Variants in ADGRF5 observed in about 807,000 individuals in gnomAD.
The protein encoded by ADGRF5 is adhesion G protein-coupled receptor F5.
In ADGRF5, 75 loss-of-function variants were observed where a neutral mutation model predicts 132.3. That is an observed-to-expected ratio of 0.57 (90% CI 0.47 to 0.69). The LOEUF is 0.69. Among genes scored for constraint, ADGRF5 ranks in the 30% least tolerant of loss-of-function variants. The probability of loss-of-function intolerance (pLI) is 0.00; values close to 1 mark genes in which losing one functional copy is unlikely to be tolerated. For missense variants in ADGRF5, 1,516 were observed against 1,630.6 expected, an observed-to-expected ratio of 0.93 and a Z score of 1.21; for synonymous variants, 629 against 597.6, an observed-to-expected ratio of 1.05 and a Z score of -0.77.
chr6:46,908,183 G>T (rs9463257), intron 1 of ADGRF5, among the ~76,000 whole-genome samples: 32,707 of 152,066 alleles, frequency 0.22, 4,287 homozygotes, highest in African/African-American at 0.37. Flanking sequence ...TTTAAATTCT[G>T]CAACTCAATG....
chr6:46,890,483 C>T (rs1773538996), intron 3 of ADGRF5, among the ~76,000 whole-genome samples: 1 of 150,522 alleles, frequency 6.6e-6, no homozygotes, highest in Non-Finnish European at 1.5e-5. Context: ...TTTGGGAGGC[C>T]GAGGCGGGCA....
Position 46,882,325 on chromosome 6 carries a change from A to G in ADGRF5, c.613-218T>C, listed in dbSNP as rs773968089. ...AGTAGACTAGATGAAATGTGCAAAA[A>G]ATTTACTCAGGGAAATGTCTAGGAA... On this transcript the variant is annotated intron_variant, in intron 6 of 20. Transcript: ENST00000283296. 5.3e-4 allele frequency among the ~76,000 whole-genome samples: 81 copies of G among 152,116 alleles called. 1 individual carries two copies. Among genetic ancestry groups the G allele is most frequent in the Non-Finnish European group, 1.2e-4 (8 of 68,024 alleles).
intron 1 of ADGRF5, among the ~76,000 whole-genome samples, chr6:46,941,295 A>G (rs997359372): frequency 1.1e-4 from 16 of 151,852 alleles, no homozygotes; most frequent in African/African-American, 3.6e-4. Context: ...TTGACACTGC[A>G]CTCCAACCTG....
At chr6:46,908,370 T>A (rs1188851344) in intron 1 of ADGRF5, among the ~76,000 whole-genome samples, 1 of 152,088 alleles carries the variant, frequency 6.6e-6, no homozygotes, top group African/African-American at 2.4e-5. Flanking sequence ...ATGAGTCAGG[T>A]ATTTAGGAGG....
Position 46,858,987 on chromosome 6 carries a change from C to A in ADGRF5, c.2916G>T (p.Gly972=), listed in dbSNP as rs575180516. The A allele has an allele frequency of 1.2e-6, 2 of 1,614,100 alleles. No individual in the cohort carries two copies. The highest frequency in any genetic ancestry group is 2.7e-5 in the African/African-American group (2 of 75,040). ...ANNTGGWDSS[G]CYVEEGDGDN... ...CCCCATCACCTTCTTCTACATAGCACCCACTGCTGTCCCACCCCCCTGTGT... is the reference window on the plus strand; with the variant it reads ...CCCCATCACCTTCTTCTACATAGCAACCACTGCTGTCCCACCCCCCTGTGT... The change falls in exon 17 of 21, where the codon GGG becomes GGT. Residue 972 remains glycine, a synonymous_variant. Coordinates refer to ENST00000283296, the MANE Select transcript of ADGRF5 (RefSeq NM_001098518.2).
chr6:46,953,685 A>ATATATATATATC lies in ADGRF5; in HGVS notation c.-25+1048_-25+1049insGATATATATATA, dbSNP rs1326327311. ...TATATATATATATATATATATATAT[A>ATATATATATATC]TATATCTCACTGACAGTGGCATTAT... On this transcript the variant is annotated intron_variant, in intron 1 of 20. Transcript: ENST00000265417. Among the ~76,000 whole-genome samples the ATATATATATATC allele has an allele frequency of 2.9e-3, 363 of 126,864 alleles. 1 individual carries two copies. Among genetic ancestry groups the ATATATATATATC allele is most frequent in the Non-Finnish European group, 4.8e-3 (289 of 59,588 alleles). 83.2% of individuals were successfully genotyped at this position (126,864 alleles called of 152,430 possible).
intron 1 of ADGRF5, among the ~76,000 whole-genome samples, chr6:46,951,862 A>G (rs747796180): frequency 6.6e-6 from 1 of 152,242 alleles, no homozygotes; most frequent in African/African-American, 2.4e-5. Flanking sequence ...GTTAATGTCA[A>G]TGGCTGAACA....
At chr6:46,910,293 T>G (rs914251143) in intron 1 of ADGRF5, among the ~76,000 whole-genome samples, 1 of 152,206 alleles carries the variant, frequency 6.6e-6, no homozygotes, top group African/African-American at 2.4e-5. Context: ...TAATTGGCTA[T>G]TAATTATAAT....
chr6:46,883,521 AGTTT>A (rs746032088), intron 6 of ADGRF5, 34 bp downstream of exon 6: 3 of 1,001,828 alleles, frequency 3.0e-6, no homozygotes, highest in Middle Eastern at 2.0e-4. Context: ...CAGTCCAAAC[AGTTT>A]GTTAGTTAAG....
At chr6:46,953,655 A>ATATATATATATATATATATATATATG (rs1778594600) in intron 1 of ADGRF5, among the ~76,000 whole-genome samples, 5 of 22,076 alleles carry the variant, frequency 2.3e-4, no homozygotes, top group South Asian at 2.3e-3. Context: ...ATATGTGTAT[A>ATATATATATATATATATATATATATG]TATATATATA....
Position 46,856,856 on chromosome 6 carries a change from A to G in ADGRF5, c.3816+11T>C. ...ACTTTTCTAGAAACATGAAACTGTC[A>G]TTGCTCTTACCTTCAGATCCCAGAG... On this transcript the variant is annotated intron_variant, in intron 18 of 20. Transcript: ENST00000283296. 6.2e-7 allele frequency: 1 copy of G among 1,609,166 alleles called. No homozygotes were observed. The highest frequency in any genetic ancestry group is 8.5e-7 in the Non-Finnish European group (1 of 1,177,314).
chr6:46,918,039 G>A (rs1300697490), intron 1 of ADGRF5, among the ~76,000 whole-genome samples: 1 of 152,238 alleles, frequency 6.6e-6, no homozygotes, highest in African/African-American at 2.4e-5. Flanking sequence ...AGTCACTCCA[G>A]AGTAGGTGAT....
chr6:46,860,245 T>A (rs1383312787), intron 16 of ADGRF5, among the ~76,000 whole-genome samples: 1 of 152,160 alleles, frequency 6.6e-6, no homozygotes. Flanking sequence ...CTGGTTTATT[T>A]GTTTGTTTGT....
At chr6:46,864,576 G>A (rs960666415) in intron 14 of ADGRF5, among the ~76,000 whole-genome samples, 1 of 150,332 alleles carries the variant, frequency 6.7e-6, no homozygotes, top group African/African-American at 2.5e-5. Context: ...CCAGCCTGGA[G>A]TGCAGTGGCA....
intron 2 of ADGRF5, among the ~76,000 whole-genome samples, chr6:46,906,251 T>C (rs1316344475): frequency 6.6e-6 from 1 of 152,236 alleles, no homozygotes; most frequent in Non-Finnish European, 1.5e-5. Flanking sequence ...TCTAGCCTGA[T>C]GTCCCAGTTA....
At chr6:46,905,560 G>A (rs987943306) in intron 2 of ADGRF5, 3 of 151,768 alleles carry the variant, frequency 2.0e-5, no homozygotes, top group Non-Finnish European at 4.4e-5. Context: ...GTTTACAAGA[G>A]AATCATAAAA....
intron 1 of ADGRF5, among the ~76,000 whole-genome samples, chr6:46,940,121 A>C (rs1490525967): frequency 6.6e-6 from 1 of 152,126 alleles, no homozygotes; most frequent in Non-Finnish European, 1.5e-5. Context: ...CTAATGATTG[A>C]CTTTTACTTT....
chr6:46,941,396 GA>G (rs780197376), intron 1 of ADGRF5, among the ~76,000 whole-genome samples: 6 of 17,858 alleles, frequency 3.4e-4, no homozygotes, highest in African/African-American at 7.8e-4. Context: ...ACAAAGAAAA[GA>G]AAAGAAAAGA....
At position 46,858,989 on chromosome 6, in the gene ADGRF5, C is replaced by T; in HGVS notation, c.2914G>A (p.Gly972Arg). ...ANNTGGWDSSGCYVEEGDGDN... is the reference protein window; with the variant it reads ...ANNTGGWDSSRCYVEEGDGDN... ...CCATCACCTTCTTCTACATAGCACC[C>T]ACTGCTGTCCCACCCCCCTGTGTTG... Residue 972 changes from glycine to arginine, a missense_variant, in exon 17 of 21, where the codon GGG (glycine) becomes AGG (arginine). Physicochemically the swap from Gly to Arg is moderately radical, Grantham distance 125 (BLOSUM62 -2). This residue lies in a region of ADGRF5 where 571 missense variants were observed against 701.2 expected (regional missense o/e 0.81). Coordinates refer to ENST00000283296, the MANE Select transcript of ADGRF5 (RefSeq NM_001098518.2). The T allele has an allele frequency of 6.2e-7, 1 of 1,614,160 alleles. No individual in the cohort carries two copies. The highest frequency in any genetic ancestry group is 8.5e-7 in the Non-Finnish European group (1 of 1,180,026).
Sources: allele counts gnomAD v4.1 joint callset (sites outside exome capture counted in the v4.1 genomes callset), GRCh38; gene constraint gnomAD v4.1.1; regional missense constraint gnomAD v4.1.1; transcripts MANE v1.5; gene names NCBI Gene and HGNC (gene_info 2026-07-23, HGNC 2026-07-21).